Variants in ACBD5 observed in about 807,000 individuals in gnomAD.
ACBD5 encodes the protein acyl-CoA binding domain containing 5.
In ACBD5, 40 loss-of-function variants were observed where a neutral mutation model predicts 71.8. The ratio of observed to expected loss-of-function variants is 0.56; its 90% CI spans 0.43 to 0.72. The LOEUF is 0.72. Among genes scored for constraint, ACBD5 ranks in the 30% least tolerant of loss-of-function variants. The pLI, the probability that ACBD5 is intolerant of heterozygous loss-of-function variation, is 0.00. For missense variants in ACBD5, 559 were observed against 644.5 expected, an observed-to-expected ratio of 0.87 and a Z score of 1.44; for synonymous variants, 229 against 218.6, an observed-to-expected ratio of 1.05 and a Z score of -0.42.
chr10:27,215,411 A>T, intron 8 of ACBD5, 124 bp downstream of exon 8: 1 of 695,166 alleles, frequency 1.4e-6, no homozygotes, highest in Non-Finnish European at 2.5e-6. Context: ...ACAAATGTTT[A>T]AACATTTTAG....
Position 27,210,880 on chromosome 10 carries a change from C to T in ACBD5, c.1138G>A (p.Gly380Arg), listed in dbSNP as rs201980004. 1.6e-4 allele frequency: 263 copies of T among 1,614,074 alleles called. 1 individual carries two copies. The highest frequency in any genetic ancestry group is 4.9e-4 in the Middle Eastern group (3 of 6,084). The stretch of plus-strand genomic sequence containing the variant: ...CCTCGCTTCTCCCGGTGTGGTGCTC[C>T]GCTGTTATTCCTGCCATCTTCTCCT... ...HGGEDGRNNS[G>R]APHREKRGGE... Residue 380 changes from glycine to arginine, a missense_variant, in exon 9 of 13, where the codon GGA becomes AGA. Physicochemically the swap from Gly to Arg is moderately radical, Grantham distance 125 (BLOSUM62 -2). Transcript: ENST00000396271.
At position 27,218,191 on chromosome 10, in the gene ACBD5, G is replaced by A. The variant is rs762012781; in HGVS notation, c.626-8C>T. On this transcript the variant is annotated splice_polypyrimidine_tract_variant and splice_region_variant and intron_variant, in intron 6 of 12. Coordinates refer to ENST00000396271, the MANE Select transcript of ACBD5 (RefSeq NM_145698.5). ...TCTTCATCATTTTCTTATCTTTTAC[G>A]AGAAAATGGGAAAGATTCATAAAAG... 1.2e-5 allele frequency: 19 copies of A among 1,603,254 alleles called. No individual in the cohort carries two copies. Among genetic ancestry groups the A allele is most frequent in the Admixed American group, 5.0e-5 (3 of 59,976 alleles).
At chr10:27,224,078 G>C (rs1340257754) in intron 4 of ACBD5, among the ~76,000 whole-genome samples, 1 of 150,546 alleles carries the variant, frequency 6.6e-6, no homozygotes, top group Non-Finnish European at 1.5e-5. Flanking sequence ...ATTACAGCTA[G>C]GGGGCGCAGT....
intron 4 of ACBD5, among the ~76,000 whole-genome samples, chr10:27,224,769 G>A (rs145452165): frequency 1.1e-3 from 168 of 152,100 alleles, no homozygotes; most frequent in African/African-American, 3.8e-3. Flanking sequence ...GGTGGCTCAC[G>A]CCTGTAATCC....
At chr10:27,186,662 A>G in intron 13 of ACBD5, 3 of 901,042 alleles carry the variant, frequency 3.3e-6, no homozygotes, top group Non-Finnish European at 5.5e-6. Flanking sequence ...TGTGCTTTTA[A>G]TGTACGTTAC....
Position 27,195,467 on chromosome 10 carries a change from G to A in ACBD5, c.*1963C>T, listed in dbSNP as rs1311214990. On this transcript the variant is annotated 3_prime_UTR_variant, in exon 13 of 13. Transcript: ENST00000396271. ...AGGAGTTAGTTATCCCAGACTGCTT[G>A]TAATGATTCACAACTGCTTACACTC... 8.8e-6 allele frequency: 4 copies of A among 454,388 alleles called. No individual in the cohort carries two copies. Among genetic ancestry groups the A allele is most frequent in the Non-Finnish European group, 1.8e-5 (4 of 226,758 alleles). 28.1% of individuals were successfully genotyped at this position (454,388 alleles called of 1,614,324 possible). A position where few individuals can be genotyped will look rare whatever the true frequency, so the allele number is the denominator to read the frequency against.
intron 12 of ACBD5, among the ~76,000 whole-genome samples, chr10:27,197,695 G>T (rs749035816): frequency 3.3e-5 from 5 of 152,142 alleles, no homozygotes; most frequent in Non-Finnish European, 7.3e-5. Context: ...GTCCAGGCTG[G>T]ACTGCAATGG....
In ACBD5 at chr10:27,208,825, G is replaced by A. The variant is rs182750848; in HGVS notation, c.1205-380C>T. On this transcript the variant is annotated intron_variant, in intron 9 of 12. Transcript: ENST00000396271. ...TGCACTCCAGCCTGGGCGACAGAGCGATACTCCATCTCAAAAAAATAAAAA... is the reference window on the plus strand; with the variant it reads ...TGCACTCCAGCCTGGGCGACAGAGCAATACTCCATCTCAAAAAAATAAAAA... Among the ~76,000 whole-genome samples the A allele has an allele frequency of 9.9e-5, 15 of 152,034 alleles. No individual in the cohort carries two copies. The East Asian group carries it at 2.5e-3, about 25-fold the overall frequency.
chr10:27,238,273 G>A (rs1369047923), intron 2 of ACBD5, among the ~76,000 whole-genome samples: 1 of 152,186 alleles, frequency 6.6e-6, no homozygotes, highest in Non-Finnish European at 1.5e-5. Context: ...CACCGCACCC[G>A]GCCGATAGGG....
chr10:27,191,675 G>A (rs906637975), downstream of ACBD5, among the ~76,000 whole-genome samples: 4 of 152,202 alleles, frequency 2.6e-5, no homozygotes, highest in African/African-American at 9.6e-5. Context: ...CCTGAGGTCA[G>A]AAGTTTAAGA....
intron 7 of ACBD5, among the ~76,000 whole-genome samples, chr10:27,216,943 G>C (rs1020706977): frequency 6.6e-6 from 1 of 151,518 alleles, no homozygotes; most frequent in South Asian, 2.1e-4. Context: ...TCAGGAGATC[G>C]AGACCATCCT....
chr10:27,200,663 T>TAA (rs2136620976), intron 12 of ACBD5, among the ~76,000 whole-genome samples: 1 of 152,266 alleles, frequency 6.6e-6, no homozygotes, highest in East Asian at 1.9e-4. Context: ...TTCACCATGT[T>TAA]GGTCAGGCTG....
downstream of ACBD5, among the ~76,000 whole-genome samples, chr10:27,193,674 T>C (rs1365627485): frequency 6.6e-6 from 1 of 152,138 alleles, no homozygotes; most frequent in Non-Finnish European, 1.5e-5. Context: ...ATGTAGACAT[T>C]AGATCTAAAT....
In ACBD5 at chr10:27,195,672, A is replaced by C; in HGVS notation, c.*1758T>G. ...AAATAGGGAACACTTTTTTAAAAGC[A>C]AATAGTAGTAGATCCCTTTAGACAG... On this transcript the variant is annotated 3_prime_UTR_variant, in exon 13 of 13. Coordinates refer to ENST00000396271, the MANE Select transcript of ACBD5 (RefSeq NM_145698.5). 1 of 421,458 alleles carries C rather than the reference A, an allele frequency of 2.4e-6. No individual in the cohort carries two copies. The highest frequency in any genetic ancestry group is 1.7e-5 in the South Asian group (1 of 57,574). 26.1% of individuals were successfully genotyped at this position (421,458 alleles called of 1,614,324 possible).
intron 5 of ACBD5, 94 bp from the exon 6 acceptor site, chr10:27,219,951 T>C: frequency 8.8e-7 from 1 of 1,137,370 alleles, no homozygotes; most frequent in South Asian, 1.6e-5. Context: ...AAATAACTAA[T>C]AAAATAATTT....
chr10:27,184,642 C>G (rs780289871), intron 13 of ACBD5, among the ~76,000 whole-genome samples: 2 of 137,412 alleles, frequency 1.5e-5, no homozygotes, highest in Non-Finnish European at 3.0e-5. Context: ...CTCACTGCAG[C>G]CTCAGCCTCC....
intron 8 of ACBD5, among the ~76,000 whole-genome samples, chr10:27,213,567 G>A (rs1472018848): frequency 6.6e-6 from 1 of 152,152 alleles, no homozygotes; most frequent in Non-Finnish European, 1.5e-5. Flanking sequence ...AGACCAGCCT[G>A]ACCAACATGG....
chr10:27,194,365 C>G (rs1200502537), downstream of ACBD5, among the ~76,000 whole-genome samples: 1 of 150,478 alleles, frequency 6.6e-6, no homozygotes, highest in Admixed American at 6.6e-5. Context: ...AATCCCAGCA[C>G]TTTGGGAGGC....
At chr10:27,239,377 G>A (rs950128254) in intron 2 of ACBD5, among the ~76,000 whole-genome samples, 5 of 152,090 alleles carry the variant, frequency 3.3e-5, no homozygotes, top group African/African-American at 1.2e-4. Flanking sequence ...TGCAAATCGT[G>A]AACAGGGTTA....
Sources: allele counts gnomAD v4.1 joint callset (sites outside exome capture counted in the v4.1 genomes callset), GRCh38; gene constraint gnomAD v4.1.1; transcripts MANE v1.5; gene names NCBI Gene and HGNC (gene_info 2026-07-23, HGNC 2026-07-21).